The following GULP1 variants were observed in gnomAD, a reference collection of about 807,000 sequenced individuals.
GULP1 encodes the protein PTB domain-containing engulfment adapter protein 1.
In GULP1, 19 loss-of-function variants were observed where a neutral mutation model predicts 40.9. That is an observed-to-expected ratio of 0.46 (90% CI 0.32 to 0.68). The LOEUF (loss-of-function observed/expected upper bound fraction) is 0.68. GULP1 is among the 30% of genes least tolerant of loss of function. GULP1 has a pLI of 0.03. For missense variants in GULP1, 312 were observed against 362.2 expected, an observed-to-expected ratio of 0.86 and a Z score of 1.12; for synonymous variants, 119 against 117.6, an observed-to-expected ratio of 1.01 and a Z score of -0.08.
intron 7 of GULP1, among the ~76,000 whole-genome samples, chr2:188,566,318 G>C (rs1697641382): frequency 6.6e-6 from 1 of 152,020 alleles, no homozygotes; most frequent in Admixed American, 6.6e-5. Context: ...GCCATGATGA[G>C]AATCAAGTAA....
intron 2 of GULP1, among the ~76,000 whole-genome samples, chr2:188,391,606 T>A (rs2050537229): frequency 6.6e-6 from 1 of 152,034 alleles, no homozygotes; most frequent in South Asian, 2.1e-4. Flanking sequence ...ATTATTTGTT[T>A]ATCTTGCCTT....
At chr2:188,389,763 T>A (rs986605468) in intron 2 of GULP1, among the ~76,000 whole-genome samples, 7 of 152,026 alleles carry the variant, frequency 4.6e-5, no homozygotes, top group Non-Finnish European at 8.8e-5. Flanking sequence ...CTCACCCAGT[T>A]CCCACCCTCC....
rs1251737601 is a variant in GULP1, at chr2:188,535,918, G to T, written c.262-5263G>T. On this transcript the variant is annotated intron_variant, in intron 6 of 11. Transcript: ENST00000409830. ...TGGTGTGAGATCATATCTCTTTGTGGTTTTTATTTGAATTTCTTTGATGAT... is the reference window on the plus strand; with the variant it reads ...TGGTGTGAGATCATATCTCTTTGTGTTTTTTATTTGAATTTCTTTGATGAT... Among the ~76,000 whole-genome samples, 3 of 151,936 alleles carry T rather than the reference G, an allele frequency of 2.0e-5. No homozygotes were observed. The East Asian group carries it at 5.8e-4, about 29-fold the overall frequency.
At chr2:188,352,170 T>C (rs2044539393) in intron 1 of GULP1, among the ~76,000 whole-genome samples, 1 of 152,198 alleles carries the variant, frequency 6.6e-6, no homozygotes, top group Non-Finnish European at 1.5e-5. Flanking sequence ...GGTCAAATGT[T>C]ATTCTGGATG....
At chr2:188,462,345 A>T (rs962732256) in intron 2 of GULP1, among the ~76,000 whole-genome samples, 2 of 152,178 alleles carry the variant, frequency 1.3e-5, no homozygotes, top group Admixed American at 6.5e-5. Flanking sequence ...GACCTAACAT[A>T]TGGTCTATCC....
At chr2:188,340,056 A>C (rs1294112277) in intron 1 of GULP1, among the ~76,000 whole-genome samples, 1 of 152,168 alleles carries the variant, frequency 6.6e-6, no homozygotes, top group Non-Finnish European at 1.5e-5. Flanking sequence ...TTTTGTATTA[A>C]AATAATGTAG....
intron 4 of GULP1, among the ~76,000 whole-genome samples, chr2:188,514,916 A>G (rs536214551): frequency 1.3e-5 from 2 of 152,318 alleles, no homozygotes; most frequent in South Asian, 2.1e-4. Context: ...GTAGTATTCC[A>G]TGGTATAGAT....
chr2:188,294,951 C>G (rs936394614), intron 1 of GULP1, among the ~76,000 whole-genome samples: 1 of 152,102 alleles, frequency 6.6e-6, no homozygotes. Flanking sequence ...ATAAAAATTA[C>G]CACTTTTACA....
rs145863384 is a variant in GULP1, at chr2:188,341,190, A to G, written c.-171-42573A>G. ...CCTCCTGTTCCTATCACTGGCATCT[A>G]CTTGGCTTCCGGGGAGACCTCAGGG... is the stretch of plus-strand genomic sequence containing the variant. On this transcript the variant is annotated intron_variant, in intron 1 of 11. Transcript: ENST00000409830. Among the ~76,000 whole-genome samples the G allele has an allele frequency of 4.2e-3, 633 of 152,166 alleles. 7 individuals are homozygous for G. The highest frequency in any genetic ancestry group is 0.015 in the African/African-American group (607 of 41,506).
At chr2:188,439,896 C>T (rs2152858886) in intron 2 of GULP1, among the ~76,000 whole-genome samples, 1 of 152,276 alleles carries the variant, frequency 6.6e-6, no homozygotes, top group Non-Finnish European at 1.5e-5. Flanking sequence ...AACTGCCTTA[C>T]ATCAAGTAGT....
chr2:188,372,045 G>A (rs934667370), intron 1 of GULP1, among the ~76,000 whole-genome samples: 2 of 152,088 alleles, frequency 1.3e-5, no homozygotes, highest in East Asian at 3.8e-4. Flanking sequence ...GAAGACTTTT[G>A]TTTCTTTAAT....
At chr2:188,553,464 T>G (rs1324188913) in intron 7 of GULP1, among the ~76,000 whole-genome samples, 3 of 152,078 alleles carry the variant, frequency 2.0e-5, no homozygotes, top group Admixed American at 6.5e-5. Context: ...GTTACCACCT[T>G]TACTGATTTG....
intron 4 of GULP1, among the ~76,000 whole-genome samples, chr2:188,498,865 T>C (rs1412816968): frequency 6.6e-6 from 1 of 151,554 alleles, no homozygotes; most frequent in Admixed American, 6.6e-5. Context: ...AATTAAATAA[T>C]ATTTTTCTAA....
intron 2 of GULP1, among the ~76,000 whole-genome samples, chr2:188,449,290 A>T (rs2058645338): frequency 6.6e-6 from 1 of 152,186 alleles, no homozygotes; most frequent in South Asian, 2.1e-4. Context: ...CAAGTACTAA[A>T]GCTAACCTCA....
chr2:188,513,714 C>G (rs1443730057), intron 4 of GULP1, among the ~76,000 whole-genome samples: 1 of 151,926 alleles, frequency 6.6e-6, no homozygotes, highest in Non-Finnish European at 1.5e-5. Context: ...CACAAGCACA[C>G]AATTGTGCAA....
At chr2:188,549,254 C>T (rs1453837245) in intron 7 of GULP1, among the ~76,000 whole-genome samples, 1 of 151,772 alleles carries the variant, frequency 6.6e-6, no homozygotes, top group Non-Finnish European at 1.5e-5. Context: ...AAAGTATTAG[C>T]AAACCACATA....
chr2:188,529,308 A>G, intron 6 of GULP1, 113 bp downstream of exon 6: 1 of 551,066 alleles, frequency 1.8e-6, no homozygotes, highest in Non-Finnish European at 3.2e-6. Flanking sequence ...TTCTGAGTTA[A>G]TGACAGTTCG....
intron 4 of GULP1, among the ~76,000 whole-genome samples, chr2:188,486,476 A>T (rs2061871155): frequency 6.6e-6 from 1 of 152,016 alleles, no homozygotes; most frequent in South Asian, 2.1e-4. Flanking sequence ...TGATAAATTT[A>T]ACAGAACTAC....
At chr2:188,312,514 A>G (rs1046870879) in intron 1 of GULP1, among the ~76,000 whole-genome samples, 3 of 152,146 alleles carry the variant, frequency 2.0e-5, no homozygotes, top group African/African-American at 4.8e-5. Context: ...TCCATGGTGT[A>G]TATGTACCAC....
Sources: allele counts gnomAD v4.1 joint callset (sites outside exome capture counted in the v4.1 genomes callset), GRCh38; gene constraint gnomAD v4.1.1; transcripts MANE v1.5; gene names NCBI Gene and HGNC (gene_info 2026-07-23, HGNC 2026-07-21).